The following BLTP3A variants were observed in gnomAD, a reference collection of about 807,000 sequenced individuals.
BLTP3A encodes bridge-like lipid transfer protein family member 3A, also known as ICBP90 binding protein 1.
chr6:34,872,420 C>G, the BLTP3A span: 1 of 1,610,982 alleles, frequency 6.2e-7, no homozygotes. Flanking sequence ...GGAAATATAA[C>G]CCCTTCTTTG....
At chr6:34,868,832 A>C in the BLTP3A span, among the ~76,000 whole-genome samples, 1 of 151,814 alleles carries the variant, frequency 6.6e-6, no homozygotes, top group Non-Finnish European at 1.5e-5. Flanking sequence ...TTGAGACTAC[A>C]GTGAGCTATA....
the BLTP3A span, chr6:34,823,415 A>C: frequency 7.2e-7 from 1 of 1,395,700 alleles, no homozygotes; most frequent in Non-Finnish European, 1.0e-6. Flanking sequence ...TAGTTAAAAA[A>C]TAAAAACTTT....
chr6:34,823,308 C>G, the BLTP3A span: 1 of 1,614,116 alleles, frequency 6.2e-7, no homozygotes, highest in Non-Finnish European at 8.5e-7. Flanking sequence ...TCCTCGGCCC[C>G]CCAATGGACA....
At chr6:34,845,505 A>G in the BLTP3A span, among the ~76,000 whole-genome samples, 1 of 152,032 alleles carries the variant, frequency 6.6e-6, no homozygotes, top group Non-Finnish European at 1.5e-5. Context: ...TGCAGCCTCA[A>G]CCTCCTGGGC....
At chr6:34,859,031 A>G in the BLTP3A span, 2 of 1,614,128 alleles carry the variant, frequency 1.2e-6, no homozygotes, top group Non-Finnish European at 1.7e-6. Flanking sequence ...GGTGCTGTCG[A>G]TGCTGACTCT....
the BLTP3A span, among the ~76,000 whole-genome samples, chr6:34,802,369 G>A: frequency 7.0e-6 from 1 of 143,304 alleles, no homozygotes; most frequent in Non-Finnish European, 1.5e-5. Context: ...ACCAAGCCCG[G>A]CTAATTTTTT....
At chr6:34,854,830 T>A in the BLTP3A span, among the ~76,000 whole-genome samples, 1 of 152,184 alleles carries the variant, frequency 6.6e-6, no homozygotes, top group African/African-American at 2.4e-5. Context: ...ATCTACTACT[T>A]ACAAGGCTCT....
chr6:34,835,310 T>C, the BLTP3A span: 9 of 1,614,052 alleles, frequency 5.6e-6, no homozygotes, highest in Non-Finnish European at 7.6e-6. Flanking sequence ...GATTGCAATG[T>C]GATATCCTCC....
the BLTP3A span, among the ~76,000 whole-genome samples, chr6:34,817,898 G>A: frequency 6.6e-6 from 1 of 150,654 alleles, no homozygotes; most frequent in Non-Finnish European, 1.5e-5. Context: ...CTGTCGCCCA[G>A]GCTGGAGTGC....
the BLTP3A span, chr6:34,872,750 A>G: frequency 5.4e-6 from 1 of 185,320 alleles, no homozygotes; most frequent in Non-Finnish European, 1.1e-5. Context: ...CTGTAGGGCC[A>G]TTTCACCTCA....
At chr6:34,799,067 G>A in the BLTP3A span, among the ~76,000 whole-genome samples, 2 of 151,974 alleles carry the variant, frequency 1.3e-5, no homozygotes, top group Admixed American at 6.6e-5. Context: ...TCAGCCTCCT[G>A]AGTAGCTGAG....
At chr6:34,794,354 A>G in the BLTP3A span, among the ~76,000 whole-genome samples, 1 of 143,312 alleles carries the variant, frequency 7.0e-6, no homozygotes, top group Non-Finnish European at 1.5e-5. Context: ...ATTAAAGGTT[A>G]TTGTGTTACA....
At chr6:34,852,876 A>G in the BLTP3A span, among the ~76,000 whole-genome samples, 1 of 152,162 alleles carries the variant, frequency 6.6e-6, no homozygotes. Flanking sequence ...CTCTCTGACT[A>G]GGGCTGGTCT....
At chr6:34,792,147 C>A in the BLTP3A span, 4 of 1,117,018 alleles carry the variant, frequency 3.6e-6, no homozygotes, top group Non-Finnish European at 3.6e-6. Context: ...GCGGCTGTGT[C>A]CGGTGCTCAC....
chr6:34,823,525 A>G, the BLTP3A span, among the ~76,000 whole-genome samples: 3 of 150,200 alleles, frequency 2.0e-5, no homozygotes, highest in Non-Finnish European at 4.4e-5. Flanking sequence ...ACACTTTGTC[A>G]TTCTTCTTCT....
the BLTP3A span, chr6:34,857,915 A>C: frequency 6.2e-7 from 1 of 1,612,264 alleles, no homozygotes; most frequent in Admixed American, 1.7e-5. Context: ...ATTCTGGTTG[A>C]AGGTGAGGGG....
At chr6:34,834,648 T>A in the BLTP3A span, 2 of 1,565,384 alleles carry the variant, frequency 1.3e-6, no homozygotes, top group Non-Finnish European at 1.7e-6. Flanking sequence ...TGCCAGTCTT[T>A]TTTCCTTGGA....
chr6:34,849,227 G>A, the BLTP3A span, among the ~76,000 whole-genome samples: 169 of 152,008 alleles, frequency 1.1e-3, no homozygotes, highest in Non-Finnish European at 1.9e-3. Context: ...TCAAACTCCT[G>A]GCATCAAGTG....
chr6:34,831,393 G>T, the BLTP3A span, among the ~76,000 whole-genome samples: 22,150 of 152,102 alleles, frequency 0.15, 1,962 homozygotes, highest in African/African-American at 0.25. Context: ...CTCCCAAAGT[G>T]CTGGGATTAC....
Sources: gnomAD v4.1 joint callset for allele counts (sites outside exome capture counted in the v4.1 genomes callset) on GRCh38, gnomAD v4.1.1 for gene constraint, MANE v1.5 for transcripts, NCBI Gene and HGNC (gene_info 2026-07-23, HGNC 2026-07-21) for gene names.